The following MAPKAPK2 variants were observed in gnomAD, a reference collection of about 807,000 sequenced individuals.
MAPKAPK2 encodes the protein MAP kinase-activated protein kinase 2.
In MAPKAPK2, 9 loss-of-function variants were observed where a neutral mutation model predicts 48.8. That is an observed-to-expected ratio of 0.18 (90% CI 0.11 to 0.32). The LOEUF is 0.32. Among genes scored for constraint, MAPKAPK2 ranks in the 10% least tolerant of loss-of-function variants. The pLI, the probability that MAPKAPK2 is intolerant of heterozygous loss-of-function variation, is 1.00. For missense variants in MAPKAPK2, 331 were observed against 498.3 expected, an observed-to-expected ratio of 0.66 and a Z score of 3.20; for synonymous variants, 202 against 190.6, an observed-to-expected ratio of 1.06 and a Z score of -0.49.
rs536909863 is a variant in MAPKAPK2, at chr1:206,690,381, T to G, written c.279+4873T>G. Among the ~76,000 whole-genome samples the G allele has an allele frequency of 3.3e-5, 5 of 152,344 alleles. No individual in the cohort carries two copies. In the East Asian group the frequency reaches 9.6e-4, roughly 29 times the overall value. ...TTACTTGTGAATTCTGGGCTTTGAC[T>G]GAGCTTGGAGACAATCTCCAGCTAA... On this transcript the variant is annotated intron_variant, in intron 1 of 9. Transcript: ENST00000367103.
At chr1:206,728,662 C>G in intron 1 of MAPKAPK2, 48 bp from the exon 2 acceptor site, 1 of 1,591,580 alleles carries the variant, frequency 6.3e-7, no homozygotes, top group African/African-American at 1.3e-5. Flanking sequence ...GGGCTTAGAG[C>G]AGGCCCATGT....
chr1:206,694,075 T>G (rs1285371039), intron 1 of MAPKAPK2, among the ~76,000 whole-genome samples: 3 of 152,240 alleles, frequency 2.0e-5, no homozygotes, highest in Non-Finnish European at 4.4e-5. Context: ...CTAGAATATT[T>G]GCTTAGCTGA....
intron 1 of MAPKAPK2, among the ~76,000 whole-genome samples, chr1:206,691,182 T>C (rs569835088): frequency 6.6e-6 from 1 of 152,260 alleles, no homozygotes; most frequent in South Asian, 2.1e-4. Flanking sequence ...TCCAAGGTCT[T>C]ACATGGTGTC....
Position 206,714,503 on chromosome 1 carries a change from T to C in MAPKAPK2, c.280-14207T>C, listed in dbSNP as rs373799755. Among the ~76,000 whole-genome samples, 175 of 152,028 alleles carry C rather than the reference T, an allele frequency of 1.2e-3. 1 individual carries two copies. The highest frequency in any genetic ancestry group is 4.1e-3 in the African/African-American group (170 of 41,430). ...GCCGGCTGGACGCAGTGGCTCATGC[T>C]GGTAATCCCAGCATTTTGAGAGGCT... On this transcript the variant is annotated intron_variant, in intron 1 of 9. Coordinates refer to ENST00000367103, the MANE Select transcript of MAPKAPK2 (RefSeq NM_032960.4).
chr1:206,717,898 A>G (rs1673384985), intron 1 of MAPKAPK2, among the ~76,000 whole-genome samples: 1 of 152,156 alleles, frequency 6.6e-6, no homozygotes, highest in Non-Finnish European at 1.5e-5. Flanking sequence ...TCTCTCTAGT[A>G]CCTATTCCCC....
At chr1:206,686,961 C>T (rs1553425690) in intron 1 of MAPKAPK2, among the ~76,000 whole-genome samples, 1 of 152,152 alleles carries the variant, frequency 6.6e-6, no homozygotes, top group Non-Finnish European at 1.5e-5. Context: ...ACTTCTCTTT[C>T]CCTACTCATA....
At chr1:206,729,915 C>T in intron 4 of MAPKAPK2, 57 bp from the exon 5 acceptor site, 1 of 1,610,064 alleles carries the variant, frequency 6.2e-7, no homozygotes, top group Non-Finnish European at 8.5e-7. Flanking sequence ...CTTTTCGTTT[C>T]TGATAGCCCC....
chr1:206,732,746 G>A lies in MAPKAPK2; in HGVS notation c.*28G>A. On this transcript the variant is annotated 3_prime_UTR_variant, in exon 10 of 10. Transcript: ENST00000367103. This position sits in a 1 kb window ranked among gnomAD's most constrained non-coding sequence, Gnocchi z 4.4. ...CACCGCGCCCTCCTGCCCACGGGAG[G>A]ACAAGCAATAACTCTCTACAGGAAT... 6.2e-7 allele frequency: 1 copy of A among 1,613,142 alleles called. No individual in the cohort carries two copies.
At chr1:206,712,352 T>C (rs782039648) in intron 1 of MAPKAPK2, among the ~76,000 whole-genome samples, 4 of 152,196 alleles carry the variant, frequency 2.6e-5, no homozygotes, top group Non-Finnish European at 5.9e-5. Context: ...TTAGGAAAGG[T>C]GCTCAGGGCC....
intron 1 of MAPKAPK2, among the ~76,000 whole-genome samples, chr1:206,702,726 G>A (rs890984690): frequency 1.3e-5 from 2 of 152,202 alleles, no homozygotes; most frequent in Non-Finnish European, 2.9e-5. Flanking sequence ...CCTGAACGTG[G>A]CATTCAAGCA....
chr1:206,722,846 G>T (rs1673571249), intron 1 of MAPKAPK2, among the ~76,000 whole-genome samples: 1 of 152,224 alleles, frequency 6.6e-6, no homozygotes, highest in Non-Finnish European at 1.5e-5. Flanking sequence ...GAGCACCCGG[G>T]CCAGCCATCC....
At chr1:206,689,710 C>G (rs1396306654) in intron 1 of MAPKAPK2, among the ~76,000 whole-genome samples, 1 of 152,018 alleles carries the variant, frequency 6.6e-6, no homozygotes, top group African/African-American at 2.4e-5. Flanking sequence ...TAGCCACTAC[C>G]CTCACATAGC....
At chr1:206,702,967 A>G (rs1368168289) in intron 1 of MAPKAPK2, among the ~76,000 whole-genome samples, 1 of 152,178 alleles carries the variant, frequency 6.6e-6, no homozygotes, top group Non-Finnish European at 1.5e-5. Context: ...GTGAGGGTTC[A>G]TTCTGCCTGC....
chr1:206,695,806 G>A (rs1453622189), intron 1 of MAPKAPK2: 7 of 280,810 alleles, frequency 2.5e-5, no homozygotes, highest in East Asian at 8.1e-5. Flanking sequence ...ATTTATTAAC[G>A]GAAAATATTT....
intron 1 of MAPKAPK2, among the ~76,000 whole-genome samples, chr1:206,712,206 TA>T (rs1209206014): frequency 1.3e-5 from 2 of 151,834 alleles, no homozygotes; most frequent in African/African-American, 2.4e-5. Context: ...CAACAAATAA[TA>T]AAAAAAAGAT....
At chr1:206,689,023 C>T (rs569777111) in intron 1 of MAPKAPK2, among the ~76,000 whole-genome samples, 5 of 152,244 alleles carry the variant, frequency 3.3e-5, no homozygotes, top group South Asian at 2.1e-4. Context: ...AGCTGCTTGC[C>T]GCTTCACTGT....
chr1:206,721,515 T>G (rs1019025713), intron 1 of MAPKAPK2, among the ~76,000 whole-genome samples: 8 of 152,206 alleles, frequency 5.3e-5, no homozygotes, highest in Admixed American at 5.2e-4. Flanking sequence ...GGGTTTGCAC[T>G]TTAAGGCATT....
rs782692587 is a variant in MAPKAPK2, at chr1:206,730,108, C to T, written c.691+10C>T. 30 of 1,614,030 alleles carry T rather than the reference C, an allele frequency of 1.9e-5. No homozygotes were observed. The South Asian group carries it at 2.0e-4, about 11-fold the overall frequency. Reference sequence around the variant, plus strand: ...ACACCGTACTATGTGGGTAAGTCCACAGGGGGCCCAGGGACCTAGGCTTTT... The same window carrying T: ...ACACCGTACTATGTGGGTAAGTCCATAGGGGGCCCAGGGACCTAGGCTTTT... On this transcript the variant is annotated intron_variant, in intron 5 of 9. Transcript: ENST00000367103.
chr1:206,691,482 G>GATAGATATATATATATATATATAT (rs371759587), intron 1 of MAPKAPK2, among the ~76,000 whole-genome samples: 2 of 77,296 alleles, frequency 2.6e-5, no homozygotes, highest in South Asian at 5.1e-4. Context: ...TGTATTTTAA[G>GATAGATATATATATATATATATAT]ATATATATAT....
Sources: allele counts gnomAD v4.1 joint callset (sites outside exome capture counted in the v4.1 genomes callset), GRCh38; gene constraint gnomAD v4.1.1; non-coding constraint Gnocchi (gnomAD v3.1); transcripts MANE v1.5; gene names NCBI Gene and HGNC (gene_info 2026-07-23, HGNC 2026-07-21).